Variants in WASF2 observed in about 807,000 individuals in gnomAD.
WASF2 encodes WASP family member 2, also known as actin-binding protein WASF2.
WASF2 carries 14 observed loss-of-function variants against 45.0 expected under a neutral mutation model. The observed-to-expected ratio is 0.31, with a 90% confidence interval of 0.21 to 0.49. The LOEUF is 0.49. Ranked by LOEUF, WASF2 falls within the 20% of genes least tolerant of loss-of-function variation. The pLI, the probability that WASF2 is intolerant of heterozygous loss-of-function variation, is 0.99. For synonymous variants in WASF2, 200 were observed against 236.3 expected (o/e 0.85, Z 1.41); for missense variants, 439 against 636.1 (o/e 0.69, Z 3.33).
At chr1:27,447,828 GA>G (rs2017330572) in intron 1 of WASF2, among the ~76,000 whole-genome samples, 1 of 152,180 alleles carries the variant, frequency 6.6e-6, no homozygotes, top group Non-Finnish European at 1.5e-5. Flanking sequence ...GTTTCATCTT[GA>G]TAACACTGGT....
At chr1:27,462,514 C>G (rs2017559692) in intron 1 of WASF2, among the ~76,000 whole-genome samples, 1 of 152,118 alleles carries the variant, frequency 6.6e-6, no homozygotes, top group Non-Finnish European at 1.5e-5. Context: ...CTATGTTGCC[C>G]AGGCTGGTCT....
At chr1:27,480,957 G>T (rs1374680149) in intron 1 of WASF2, among the ~76,000 whole-genome samples, 2 of 151,844 alleles carry the variant, frequency 1.3e-5, no homozygotes. Flanking sequence ...AGAATGGCGT[G>T]AACCTGGGAG....
intron 1 of WASF2, among the ~76,000 whole-genome samples, chr1:27,429,776 C>CA (rs761977530): frequency 0.14 from 12,534 of 87,518 alleles, 895 homozygotes; most frequent in East Asian, 0.45. Flanking sequence ...GACTCCGTCT[C>CA]AAAAAAAAAA....
At chr1:27,415,583 T>C (rs1262647773) in intron 5 of WASF2, among the ~76,000 whole-genome samples, 1 of 152,182 alleles carries the variant, frequency 6.6e-6, no homozygotes, top group East Asian at 1.9e-4. Context: ...GCGAAGGCAT[T>C]AAACTGCTCC....
At chr1:27,462,498 GTCTC>G (rs1234826887) in intron 1 of WASF2, among the ~76,000 whole-genome samples, 3 of 152,256 alleles carry the variant, frequency 2.0e-5, no homozygotes, top group Admixed American at 6.5e-5. Flanking sequence ...GAGAGATGGG[GTCTC>G]TCTATGTTGC....
intron 1 of WASF2, among the ~76,000 whole-genome samples, chr1:27,451,862 G>A (rs2017387964): frequency 6.6e-6 from 1 of 152,200 alleles, no homozygotes; most frequent in Admixed American, 6.5e-5. Flanking sequence ...GTACTGAGGT[G>A]TATTTTTTTC....
At chr1:27,420,543 CAG>C (rs2016892330) in intron 2 of WASF2, among the ~76,000 whole-genome samples, 1 of 88,382 alleles carries the variant, frequency 1.1e-5, no homozygotes, top group Admixed American at 1.9e-4. Flanking sequence ...TTTTTTGAGA[CAG>C]AGTCTTGCTC....
intron 1 of WASF2, among the ~76,000 whole-genome samples, chr1:27,467,534 C>A (rs1277009352): frequency 6.7e-6 from 1 of 150,262 alleles, no homozygotes; most frequent in East Asian, 2.0e-4. Context: ...ATCTCCTGAC[C>A]TCGTGATCCG....
intron 2 of WASF2, among the ~76,000 whole-genome samples, chr1:27,423,257 G>A (rs2148108459): frequency 6.6e-6 from 1 of 151,706 alleles, no homozygotes; most frequent in East Asian, 1.9e-4. Flanking sequence ...GAATGCAATG[G>A]CACAATCTCA....
In WASF2 at chr1:27,422,553, A is replaced by T. The variant is rs1001268639; in HGVS notation, c.131-3465T>A. Among the ~76,000 whole-genome samples, 3 of 143,296 alleles carry T rather than the reference A, an allele frequency of 2.1e-5. No individual in the cohort carries two copies. In the East Asian group the frequency reaches 6.2e-4, roughly 30 times the overall value. 94.0% of individuals were successfully genotyped at this position (143,296 alleles called of 152,430 possible). ...AGAATTGCATGAACCCAGGAGGCGG[A>T]GCTTGCAGTGAGCCGAGATTGTGCC... On this transcript the variant is annotated intron_variant, in intron 2 of 8. Transcript: ENST00000618852.
intron 1 of WASF2, among the ~76,000 whole-genome samples, chr1:27,479,214 A>T (rs1571166363): frequency 6.6e-6 from 1 of 151,536 alleles, no homozygotes; most frequent in Admixed American, 6.6e-5. Flanking sequence ...TGAACCCGGG[A>T]GGCGGAGGTT....
rs1327910524 is a variant in WASF2, at chr1:27,404,690, T to C, written c.*3499A>G. ...GAGCATTATGGCTTACTCTACTACATGTACATCATTCTAGACAGAAAGTAA... is the reference window on the plus strand; with the variant it reads ...GAGCATTATGGCTTACTCTACTACACGTACATCATTCTAGACAGAAAGTAA... On this transcript the variant is annotated 3_prime_UTR_variant, in exon 9 of 9. Coordinates refer to ENST00000618852, the MANE Select transcript of WASF2 (RefSeq NM_006990.5). The C allele has an allele frequency of 1.3e-5, 2 of 152,228 alleles. No homozygotes were observed. The highest frequency in any genetic ancestry group is 2.9e-5 in the Non-Finnish European group (2 of 68,044). The allele number at this position is 152,228 out of a possible 1,614,324, so 9.4% of individuals were successfully genotyped here.
intron 1 of WASF2, among the ~76,000 whole-genome samples, chr1:27,446,006 A>T (rs1220675377): frequency 6.6e-6 from 1 of 152,092 alleles, no homozygotes; most frequent in Admixed American, 6.6e-5. Context: ...TAAGATAATT[A>T]TATCAGAAGT....
intron 1 of WASF2, among the ~76,000 whole-genome samples, chr1:27,477,384 A>T (rs924285092): frequency 6.6e-6 from 1 of 152,124 alleles, no homozygotes; most frequent in African/African-American, 2.4e-5. Flanking sequence ...TACTAAAAAT[A>T]CAAAAATTAG....
intron 1 of WASF2, among the ~76,000 whole-genome samples, chr1:27,465,915 A>C (rs2017606266): frequency 6.6e-6 from 1 of 152,240 alleles, no homozygotes; most frequent in Non-Finnish European, 1.5e-5. Context: ...TGCTGAAATT[A>C]TGTCAAAAGG....
intron 3 of WASF2, among the ~76,000 whole-genome samples, 188 bp from the exon 4 acceptor site, chr1:27,418,610 G>C (rs907410743): frequency 3.3e-5 from 5 of 152,194 alleles, no homozygotes; most frequent in Non-Finnish European, 7.3e-5. Flanking sequence ...TTTCACGACT[G>C]AACAAAATGA....
intron 2 of WASF2, among the ~76,000 whole-genome samples, chr1:27,422,007 T>A: frequency 1.4e-5 from 2 of 146,192 alleles, no homozygotes; most frequent in African/African-American, 2.5e-5. Flanking sequence ...AAAAGAAAAA[T>A]ATCTATTAAC....
At chr1:27,464,437 A>T (rs2017588209) in intron 1 of WASF2, among the ~76,000 whole-genome samples, 1 of 152,174 alleles carries the variant, frequency 6.6e-6, no homozygotes, top group Non-Finnish European at 1.5e-5. Context: ...TCATTTGATT[A>T]ATTAGCTGAT....
intron 1 of WASF2, among the ~76,000 whole-genome samples, chr1:27,469,601 C>A (rs1395377393): frequency 6.6e-6 from 1 of 152,028 alleles, no homozygotes; most frequent in Non-Finnish European, 1.5e-5. Context: ...GGACTTTAGT[C>A]ATATAGGAGA....
Sources: allele counts gnomAD v4.1 joint callset (sites outside exome capture counted in the v4.1 genomes callset), GRCh38; gene constraint gnomAD v4.1.1; transcripts MANE v1.5; gene names NCBI Gene and HGNC (gene_info 2026-07-23, HGNC 2026-07-21).